FAM234B: variants seen among roughly 807,000 people sequenced by gnomAD.
FAM234B encodes the protein family with sequence similarity 234 member B.
FAM234B carries 33 observed loss-of-function variants against 69.3 expected under a neutral mutation model. The ratio of observed to expected loss-of-function variants is 0.48; its 90% CI spans 0.36 to 0.64. FAM234B has a LOEUF of 0.64. FAM234B is among the 30% of genes least tolerant of loss of function. The pLI is 0.00. For synonymous variants in FAM234B, 306 were observed against 306.9 expected (o/e 1.00, Z 0.03); for missense variants, 697 against 769.7 (o/e 0.91, Z 1.12).
intron 1 of FAM234B, among the ~76,000 whole-genome samples, chr12:13,048,551 C>T (rs986376755): frequency 1.4e-5 from 2 of 140,078 alleles, no homozygotes; most frequent in African/African-American, 5.6e-5. Context: ...TTCTGTTATC[C>T]TCTTCGGTCA....
chr12:13,064,790 C>G (rs117718202), intron 5 of FAM234B, among the ~76,000 whole-genome samples: 1,797 of 152,236 alleles, frequency 0.012, 9 homozygotes, highest in Non-Finnish European at 0.019. Flanking sequence ...CCCCAGGAAC[C>G]TGTATAAGCT....
In FAM234B at chr12:13,058,473, A is replaced by G; in HGVS notation, c.456A>G (p.Glu152=). ...SQGGGDLSPL[E]LADVNGDGLR... is the part of the protein sequence containing the mutation. ...CAGGTGGGGACCTGTCTCCATTGGA[A>G]TTGGCTGATGTGAATGGAGATGGCC... is the stretch of plus-strand genomic sequence containing the variant. The change falls in exon 3 of 13, where the codon GAA becomes GAG. Residue 152 remains glutamate, a synonymous_variant. Coordinates refer to ENST00000197268, the MANE Select transcript of FAM234B (RefSeq NM_020853.2). The G allele has an allele frequency of 6.2e-7, 1 of 1,613,704 alleles. No individual in the cohort carries two copies. The highest frequency in any genetic ancestry group is 1.1e-5 in the South Asian group (1 of 91,072).
chr12:13,063,348 A>G (rs1323118992), intron 5 of FAM234B, among the ~76,000 whole-genome samples: 1 of 152,232 alleles, frequency 6.6e-6, no homozygotes, highest in Non-Finnish European at 1.5e-5. Flanking sequence ...TGAAAATTAC[A>G]GCTAACATAT....
intron 1 of FAM234B, among the ~76,000 whole-genome samples, chr12:13,048,972 A>C (rs184653402): frequency 4.6e-5 from 7 of 152,272 alleles, no homozygotes; most frequent in African/African-American, 1.7e-4. Context: ...GTACGGAAGA[A>C]ACTGCCCCCA....
At chr12:13,046,334 G>A (rs560844971) in intron 1 of FAM234B, among the ~76,000 whole-genome samples, 20 of 152,248 alleles carry the variant, frequency 1.3e-4, no homozygotes, top group Admixed American at 2.0e-4. Flanking sequence ...TTAGGTACAA[G>A]TTGTTTTTAT....
intron 10 of FAM234B, among the ~76,000 whole-genome samples, chr12:13,073,460 C>T (rs1377363419): frequency 6.6e-6 from 1 of 152,200 alleles, no homozygotes; most frequent in African/African-American, 2.4e-5. Context: ...AAAATACTGT[C>T]ATGACTTTTG....
At chr12:13,059,646 T>C (rs1414238437) in intron 3 of FAM234B, among the ~76,000 whole-genome samples, 1 of 152,146 alleles carries the variant, frequency 6.6e-6, no homozygotes, top group Non-Finnish European at 1.5e-5. Context: ...GGAATACATG[T>C]CTAGGTGTGT....
chr12:13,073,081 G>T (rs1219248481), intron 10 of FAM234B, among the ~76,000 whole-genome samples: 1 of 152,030 alleles, frequency 6.6e-6, no homozygotes, highest in Non-Finnish European at 1.5e-5. Flanking sequence ...GCTTTCCCAG[G>T]TGTTTTTCTG....
intron 11 of FAM234B, among the ~76,000 whole-genome samples, chr12:13,077,355 G>T (rs1865173272): frequency 6.6e-6 from 1 of 150,956 alleles, no homozygotes. Context: ...GTGCCATGCT[G>T]GTGTGCTGCA....
chr12:13,064,475 G>A (rs1336500913), intron 5 of FAM234B, among the ~76,000 whole-genome samples: 5 of 152,208 alleles, frequency 3.3e-5, no homozygotes, highest in Non-Finnish European at 5.9e-5. Flanking sequence ...AGCTGGTGGT[G>A]GTTGGCAGGA....
At position 13,082,044 on chromosome 12, in the gene FAM234B, C is replaced by T. The variant is rs1246861993; in HGVS notation, c.*1414C>T. 2 of 148,162 alleles carry T rather than the reference C, an allele frequency of 1.3e-5. No homozygotes were observed. Among genetic ancestry groups the T allele is most frequent in the Admixed American group, 6.9e-5 (1 of 14,504 alleles). 9.2% of individuals were successfully genotyped at this position (148,162 alleles called of 1,614,324 possible). ...CACAATCTCGGCTCACTGCAACCTTCGCCTCCTGGGTTCAAGCGATTCTCC... is the reference window on the plus strand; with the variant it reads ...CACAATCTCGGCTCACTGCAACCTTTGCCTCCTGGGTTCAAGCGATTCTCC... On this transcript the variant is annotated 3_prime_UTR_variant, in exon 13 of 13. Transcript: ENST00000197268.
rs189971645 is a variant in FAM234B at position 13,080,976 on chromosome 12, T to G, written c.*346T>G. 6.0e-3 allele frequency: 1,428 copies of G among 236,198 alleles called. 6 individuals carry two copies. Among genetic ancestry groups the G allele is most frequent in the Admixed American group, 0.011 (204 of 17,934 alleles). 14.6% of individuals were successfully genotyped at this position (236,198 alleles called of 1,614,324 possible). A position where few individuals can be genotyped will look rare whatever the true frequency, so the allele number is the denominator to read the frequency against. ...GTGAAGTCTATGACTAGGAAACATT[T>G]TGTTGTACATTGTGCTGTGTGTGTG... On this transcript the variant is annotated 3_prime_UTR_variant, in exon 13 of 13. Transcript: ENST00000197268.
At chr12:13,074,030 C>A (rs1865136083) in intron 10 of FAM234B, among the ~76,000 whole-genome samples, 1 of 152,214 alleles carries the variant, frequency 6.6e-6, no homozygotes, top group Non-Finnish European at 1.5e-5. Context: ...GATGCATGTT[C>A]TTGCTTCACC....
At chr12:13,079,623 C>T (rs1865201926) in intron 11 of FAM234B, among the ~76,000 whole-genome samples, 166 bp from the exon 12 acceptor site, 1 of 152,190 alleles carries the variant, frequency 6.6e-6, no homozygotes, top group Non-Finnish European at 1.5e-5. Flanking sequence ...CAGTCCTTCC[C>T]CTCTTTGCAC....
At chr12:13,059,414 T>C (rs1864962753) in intron 3 of FAM234B, among the ~76,000 whole-genome samples, 1 of 152,246 alleles carries the variant, frequency 6.6e-6, no homozygotes, top group African/African-American at 2.4e-5. Flanking sequence ...CGTCCACAAC[T>C]TACCCTCATT....
chr12:13,072,361 A>G (rs1331438422), intron 10 of FAM234B, among the ~76,000 whole-genome samples: 1 of 152,214 alleles, frequency 6.6e-6, no homozygotes, highest in Admixed American at 6.5e-5. Flanking sequence ...TGGGCAATTT[A>G]CCTAACATTT....
At position 13,044,538 on chromosome 12, in the gene FAM234B, A is replaced by G. The variant is rs546743983; in HGVS notation, c.37+98A>G. ...CGAGGCCGGTCGGGCCCTGGCCTCA[A>G]CCCAGACTCAGCTGCAGGCGCCCGG... On this transcript the variant is annotated intron_variant, in intron 1 of 12. Coordinates refer to ENST00000197268, the MANE Select transcript of FAM234B (RefSeq NM_020853.2). This position sits in a 1 kb window ranked among gnomAD's most constrained non-coding sequence, Gnocchi z 5.6. 1 of 1,354,902 alleles carries G rather than the reference A, an allele frequency of 7.4e-7. No homozygotes were observed. The highest frequency in any genetic ancestry group is 1.4e-5 in the African/African-American group (1 of 69,072). 83.9% of individuals were successfully genotyped at this position (1,354,902 alleles called of 1,614,324 possible). A position where few individuals can be genotyped will look rare whatever the true frequency, so the allele number is the denominator to read the frequency against.
At chr12:13,056,508 A>G (rs1187619222) in intron 2 of FAM234B, among the ~76,000 whole-genome samples, 1 of 152,142 alleles carries the variant, frequency 6.6e-6, no homozygotes, top group African/African-American at 2.4e-5. Flanking sequence ...TTGCTCTGGA[A>G]TGGGACTTAC....
intron 11 of FAM234B, among the ~76,000 whole-genome samples, chr12:13,077,099 TG>T (rs1214510391): frequency 6.6e-6 from 1 of 151,930 alleles, no homozygotes; most frequent in Non-Finnish European, 1.5e-5. Context: ...GTCCACTGAT[TG>T]GGGGGTGGGG....
Sources: gnomAD v4.1 joint callset for allele counts (sites outside exome capture counted in the v4.1 genomes callset) on GRCh38, gnomAD v4.1.1 for gene constraint, Gnocchi (gnomAD v3.1) non-coding constraint, MANE v1.5 for transcripts, NCBI Gene and HGNC (gene_info 2026-07-23, HGNC 2026-07-21) for gene names.